Variants in CCDC97 observed in about 807,000 individuals in gnomAD.
CCDC97 encodes the protein coiled-coil domain-containing protein 97.
Under a neutral mutation model 33.9 loss-of-function variants are expected in CCDC97, and 27 were observed. The ratio of observed to expected loss-of-function variants is 0.80; its 90% CI spans 0.59 to 1.10. The LOEUF (loss-of-function observed/expected upper bound fraction) is 1.10, where lower values mean the gene tolerates loss of function less well. CCDC97 is among the 50% of genes least tolerant of loss of function. The pLI, the probability that CCDC97 is intolerant of heterozygous loss-of-function variation, is 0.00. For missense variants in CCDC97, 422 were observed against 476.6 expected (o/e 0.89, Z 1.07); for synonymous variants, 217 against 194.0 (o/e 1.12, Z -0.99).
chr19:41,322,233 T>C (rs1292511685), intron 4 of CCDC97, among the ~76,000 whole-genome samples: 1 of 152,186 alleles, frequency 6.6e-6, no homozygotes, highest in Non-Finnish European at 1.5e-5. Context: ...AAGCTGGGAC[T>C]ACAGGTGCTC....
At chr19:41,311,306 C>G (rs1405696946) in intron 1 of CCDC97, among the ~76,000 whole-genome samples, 1 of 152,118 alleles carries the variant, frequency 6.6e-6, no homozygotes, top group South Asian at 2.1e-4. Context: ...GAGTGTCACT[C>G]GAATCCTTTG....
rs1043595356 is a variant in CCDC97 at position 41,316,457 on chromosome 19, A to G, written c.120A>G (p.Lys40=). ...RTPVPSKPQD[K]VEAAEATPVA... ...CAGTCCCATCTAAACCCCAGGACAA[A>G]GTGGAAGCAGCTGAGGCAACACCAG... is the stretch of plus-strand genomic sequence containing the variant. The change falls in exon 2 of 5, where the codon AAA becomes AAG. Residue 40 remains lysine, a synonymous_variant. Transcript: ENST00000269967. 3.1e-6 allele frequency: 5 copies of G among 1,614,224 alleles called. No homozygotes were observed. The Admixed American group carries it at 6.7e-5, about 22-fold the overall frequency.
intron 4 of CCDC97, among the ~76,000 whole-genome samples, chr19:41,322,211 A>C (rs563626456): frequency 6.6e-6 from 1 of 152,132 alleles, no homozygotes; most frequent in African/African-American, 2.4e-5. Context: ...CTCCCGCCTC[A>C]GCCAACTGAG....
chr19:41,311,736 C>CA (rs542098711), intron 1 of CCDC97, among the ~76,000 whole-genome samples: 4,372 of 141,090 alleles, frequency 0.031, 214 homozygotes, highest in African/African-American at 0.1. Flanking sequence ...AACTCTGTCT[C>CA]AAAAAAAAAA....
At chr19:41,311,442 A>T (rs970349321) in intron 1 of CCDC97, among the ~76,000 whole-genome samples, 4 of 151,828 alleles carry the variant, frequency 2.6e-5, no homozygotes, top group African/African-American at 9.7e-5. Flanking sequence ...CAAAAAATTT[A>T]AAAATTAAGG....
intron 2 of CCDC97, among the ~76,000 whole-genome samples, chr19:41,317,728 AC>A (rs1196100722): frequency 6.6e-6 from 1 of 150,534 alleles, no homozygotes; most frequent in Non-Finnish European, 1.5e-5. Context: ...AAAAAAAAAA[AC>A]ACAGATGTGG....
chr19:41,316,625 G>A lies in CCDC97; in HGVS notation c.288G>A (p.Leu96=), dbSNP rs200453165. 1 of 1,614,094 alleles carries A rather than the reference G, an allele frequency of 6.2e-7. No homozygotes were observed. The highest frequency in any genetic ancestry group is 1.1e-5 in the South Asian group (1 of 91,090). ...CAGAGCATGAGAAAGTGGCCATCCTGGCCCAGCTGTACCACGAGAAGCCAC... is the reference window on the plus strand; with the variant it reads ...CAGAGCATGAGAAAGTGGCCATCCTAGCCCAGCTGTACCACGAGAAGCCAC... ...DLTEHEKVAI[L]AQLYHEKPLV... Residue 96 remains leucine, a synonymous_variant, in exon 2 of 5, where the codon CTG becomes CTA. Transcript: ENST00000269967.
At chr19:41,319,496 A>G in intron 2 of CCDC97, 78 bp from the exon 3 acceptor site, 1 of 1,039,792 alleles carries the variant, frequency 9.6e-7, no homozygotes, top group South Asian at 1.5e-5. Flanking sequence ...TCCCACAAGC[A>G]TGATCACACA....
rs2037756008 is a variant in CCDC97 at position 41,316,854 on chromosome 19, T to C, written c.502+15T>C. 3 of 1,555,014 alleles carry C rather than the reference T, an allele frequency of 1.9e-6. No homozygotes were observed. The highest frequency in any genetic ancestry group is 3.6e-5 in the Admixed American group (2 of 55,078). Reference sequence around the variant, plus strand: ...GCTGATCCAAGGTGTGGGGGCCAGATGGGCGACAGTGGGCACATATGGGGA... The same window carrying C: ...GCTGATCCAAGGTGTGGGGGCCAGACGGGCGACAGTGGGCACATATGGGGA... On this transcript the variant is annotated intron_variant, in intron 2 of 4. Transcript: ENST00000269967.
rs559247512 is a variant in CCDC97, at chr19:41,323,085, G to C, written c.*370G>C. 4.8e-5 allele frequency: 8 copies of C among 165,578 alleles called. No homozygotes were observed. The highest frequency in any genetic ancestry group is 1.1e-4 in the Non-Finnish European group (8 of 75,836). The allele number at this position is 165,578 out of a possible 1,614,324, so 10.3% of individuals were successfully genotyped here. A position where few individuals can be genotyped will look rare whatever the true frequency, so the allele number is the denominator to read the frequency against. ...TGCCTTAGGCTCTGTCTCCACCGCAGGGCCCAAGGTGAAAGTCCTCCCCTT... is the reference window on the plus strand; with the variant it reads ...TGCCTTAGGCTCTGTCTCCACCGCACGGCCCAAGGTGAAAGTCCTCCCCTT... On this transcript the variant is annotated 3_prime_UTR_variant, in exon 5 of 5. Coordinates refer to ENST00000269967, the MANE Select transcript of CCDC97 (RefSeq NM_052848.3).
chr19:41,322,446 T>C, intron 4 of CCDC97, 149 bp from the exon 5 acceptor site: 1 of 775,508 alleles, frequency 1.3e-6, no homozygotes, highest in Non-Finnish European at 2.0e-6. Flanking sequence ...TTTTAAACCC[T>C]GAGAGTTTTA....
intron 1 of CCDC97, among the ~76,000 whole-genome samples, chr19:41,315,296 C>CAAA (rs71177714): frequency 0.065 from 2,728 of 41,656 alleles, 309 homozygotes; most frequent in African/African-American, 0.21. Context: ...GACTCCGTCT[C>CAAA]AAAAAAAAAA....
At chr19:41,312,474 G>A (rs562998860) in intron 1 of CCDC97, among the ~76,000 whole-genome samples, 12 of 152,230 alleles carry the variant, frequency 7.9e-5, no homozygotes, top group Admixed American at 5.2e-4. Flanking sequence ...TGGCTTCAGC[G>A]ACACCACAGT....
rs1599872255 is a variant in CCDC97, at chr19:41,314,103, ATCC to A, written c.47-2278_47-2276del. Among the ~76,000 whole-genome samples the A allele has an allele frequency of 3.3e-5, 5 of 151,200 alleles. No individual in the cohort carries two copies. The East Asian group carries it at 9.8e-4, about 30-fold the overall frequency. Reference sequence around the variant, plus strand: ...GAGCTGGACTGGATTCATCCTATGGATCCTCAGCATTGCCTGACTTAGGGCCTC... The same window carrying A: ...GAGCTGGACTGGATTCATCCTATGGATCAGCATTGCCTGACTTAGGGCCTC... On this transcript the variant is annotated intron_variant, in intron 1 of 4. Transcript: ENST00000269967.
At position 41,315,056 on chromosome 19, in the gene CCDC97, CTT is replaced by C. The variant is rs895535330; in HGVS notation, c.47-1326_47-1325del. Among the ~76,000 whole-genome samples the C allele has an allele frequency of 6.0e-5, 9 of 150,806 alleles. 1 individual carries two copies. Among genetic ancestry groups the C allele is most frequent in the Admixed American group, 6.0e-4 (9 of 15,118 alleles). ...GTGGCTCACGCCTGTAATCCCAGCA[CTT>C]TGGGAGGCCGAGGCGGGTGGATCAC... On this transcript the variant is annotated intron_variant, in intron 1 of 4. Transcript: ENST00000269967.
intron 2 of CCDC97, among the ~76,000 whole-genome samples, chr19:41,317,592 G>A (rs35501756): frequency 0.15 from 22,273 of 151,688 alleles, 1,887 homozygotes; most frequent in East Asian, 0.27. Flanking sequence ...GTGTGGTGGC[G>A]CCCTAGCTAC....
At chr19:41,318,680 G>A (rs906733247) in intron 2 of CCDC97, among the ~76,000 whole-genome samples, 4 of 152,190 alleles carry the variant, frequency 2.6e-5, no homozygotes, top group Middle Eastern at 3.2e-3. Flanking sequence ...AGTCACTCGT[G>A]CAGAAACAGG....
chr19:41,315,068 G>A (rs1051433491), intron 1 of CCDC97, among the ~76,000 whole-genome samples: 23 of 151,092 alleles, frequency 1.5e-4, no homozygotes, highest in African/African-American at 4.1e-4. Flanking sequence ...TTGGGAGGCC[G>A]AGGCGGGTGG....
chr19:41,314,567 C>T (rs2037723087), intron 1 of CCDC97, among the ~76,000 whole-genome samples: 1 of 152,260 alleles, frequency 6.6e-6, no homozygotes, highest in African/African-American at 2.4e-5. Context: ...ATAAGTCAGG[C>T]CTCAGGGCCT....
Sources: allele counts gnomAD v4.1 joint callset (sites outside exome capture counted in the v4.1 genomes callset), GRCh38; gene constraint gnomAD v4.1.1; transcripts MANE v1.5; gene names NCBI Gene and HGNC (gene_info 2026-07-23, HGNC 2026-07-21).